Variants in GRID2 observed in about 807,000 individuals in gnomAD.
GRID2 encodes the protein glutamate receptor ionotropic, delta-2.
A neutral mutation model predicts 114.8 loss-of-function variants in GRID2; 33 were observed. The ratio of observed to expected loss-of-function variants is 0.29; its 90% CI spans 0.22 to 0.38. GRID2 has a LOEUF of 0.38. GRID2 is among the 10% of genes least tolerant of loss of function. GRID2 has a pLI of 1.00. For missense variants in GRID2, 1,184 were observed against 1,257.7 expected (o/e 0.94, Z 0.89); for synonymous variants, 505 against 449.9 (o/e 1.12, Z -1.55).
At chr4:93,805,809 A>G (rs948180397) in intron 1 of GRID2, among the ~76,000 whole-genome samples, 1 of 152,198 alleles carries the variant, frequency 6.6e-6, no homozygotes, top group Non-Finnish European at 1.5e-5. Context: ...TTAAGAGCAT[A>G]TATTCGGCCG....
chr4:93,205,270 T>A (rs2870659), intron 4 of GRID2, among the ~76,000 whole-genome samples: 110,203 of 151,842 alleles, frequency 0.73, 41,501 homozygotes, highest in African/African-American at 0.92. Context: ...TATGTTTTAA[T>A]TATTAAGTTT....
At chr4:93,085,888 A>G (rs1216750480) in intron 3 of GRID2, among the ~76,000 whole-genome samples, 2 of 152,164 alleles carry the variant, frequency 1.3e-5, no homozygotes, top group South Asian at 2.1e-4. Context: ...GTAAAACACA[A>G]AGCATTGTCC....
At chr4:93,245,318 AT>A (rs1748076701) in intron 8 of GRID2, among the ~76,000 whole-genome samples, 1 of 152,088 alleles carries the variant, frequency 6.6e-6, no homozygotes, top group South Asian at 2.1e-4. Context: ...TTTTTCTTCT[AT>A]TTACATGAAA....
intron 1 of GRID2, among the ~76,000 whole-genome samples, chr4:92,428,312 AT>A (rs1560623268): frequency 6.6e-6 from 1 of 152,044 alleles, no homozygotes; most frequent in East Asian, 1.9e-4. Context: ...TTTGTTTGGC[AT>A]TTATTTTTCA....
intron 1 of GRID2, among the ~76,000 whole-genome samples, chr4:92,444,853 T>A (rs554540570): frequency 6.0e-4 from 92 of 152,348 alleles, no homozygotes; most frequent in Admixed American, 1.7e-3. Flanking sequence ...ATTTTTGGTA[T>A]CACTTTTGGT....
At chr4:93,681,561 G>A (rs1725540253) in intron 14 of GRID2, among the ~76,000 whole-genome samples, 1 of 152,066 alleles carries the variant, frequency 6.6e-6, no homozygotes, top group East Asian at 1.9e-4. Flanking sequence ...AAAACAGCAT[G>A]GTACTGGTAC....
intron 2 of GRID2, among the ~76,000 whole-genome samples, chr4:93,005,803 C>T (rs1403003444): frequency 5.3e-5 from 8 of 152,000 alleles, no homozygotes; most frequent in South Asian, 4.1e-4. Context: ...AAAGGTTGCA[C>T]GTTGTACGTT....
At chr4:93,236,368 T>C (rs1746797477) in intron 7 of GRID2, among the ~76,000 whole-genome samples, 1 of 152,044 alleles carries the variant, frequency 6.6e-6, no homozygotes, top group South Asian at 2.1e-4. Flanking sequence ...CTTCCCACAC[T>C]GGAAATGCTG....
intron 9 of GRID2, among the ~76,000 whole-genome samples, chr4:93,398,151 A>C (rs753894436): frequency 2.7e-5 from 4 of 146,704 alleles, no homozygotes; most frequent in Non-Finnish European, 5.9e-5. Flanking sequence ...ATATATATAT[A>C]TCTTATCATT....
chr4:92,422,521 C>T (rs545755891), intron 1 of GRID2, among the ~76,000 whole-genome samples: 1 of 152,118 alleles, frequency 6.6e-6, no homozygotes, highest in Non-Finnish European at 1.5e-5. Context: ...AAGGGGAAGC[C>T]AGTGAGCCAG....
chr4:92,891,174 G>T (rs1746756509), intron 2 of GRID2, among the ~76,000 whole-genome samples: 1 of 152,042 alleles, frequency 6.6e-6, no homozygotes, highest in Non-Finnish European at 1.5e-5. Context: ...TAGATGATGG[G>T]TTGATGGGTG....
intron 9 of GRID2, among the ~76,000 whole-genome samples, chr4:93,412,282 A>G (rs1281859860): frequency 7.2e-6 from 1 of 139,548 alleles, no homozygotes; most frequent in Non-Finnish European, 1.5e-5. Flanking sequence ...CTGTATTCCC[A>G]GCTACTCAAG....
intron 1 of GRID2, among the ~76,000 whole-genome samples, chr4:92,487,343 A>G (rs974702046): frequency 6.6e-6 from 1 of 151,978 alleles, no homozygotes; most frequent in African/African-American, 2.4e-5. Flanking sequence ...TTTTATGTTT[A>G]CCATCTAGTG....
chr4:93,436,131 C>T (rs2149385905), intron 10 of GRID2, among the ~76,000 whole-genome samples: 1 of 152,148 alleles, frequency 6.6e-6, no homozygotes, highest in South Asian at 2.1e-4. Flanking sequence ...ACAAAACTGG[C>T]CTATTCAGGG....
chr4:93,542,566 A>T (rs181423280), intron 13 of GRID2, among the ~76,000 whole-genome samples: 12 of 152,242 alleles, frequency 7.9e-5, no homozygotes, highest in Admixed American at 7.2e-4. Flanking sequence ...AGAGCAGAGG[A>T]TGGGTGGGAT....
intron 2 of GRID2, among the ~76,000 whole-genome samples, chr4:93,031,744 C>CTTTT (rs869302929): frequency 1.4e-5 from 2 of 143,148 alleles, no homozygotes; most frequent in Non-Finnish European, 3.1e-5. Context: ...TCAATTAAAC[C>CTTTT]TTTTTTTTTT....
At chr4:93,305,232 G>A (rs895284357) in intron 8 of GRID2, among the ~76,000 whole-genome samples, 10 of 152,132 alleles carry the variant, frequency 6.6e-5, no homozygotes, top group African/African-American at 2.4e-4. Flanking sequence ...AAAGCTGACT[G>A]CAGAACAAAA....
At chr4:92,503,585 A>G (rs1723798791) in intron 1 of GRID2, among the ~76,000 whole-genome samples, 2 of 152,276 alleles carry the variant, frequency 1.3e-5, no homozygotes, top group African/African-American at 4.8e-5. Context: ...TGTGCTTCTC[A>G]ATCCAATGCA....
At chr4:93,352,926 C>T (rs906180605) in intron 8 of GRID2, among the ~76,000 whole-genome samples, 1 of 151,762 alleles carries the variant, frequency 6.6e-6, no homozygotes, top group Non-Finnish European at 1.5e-5. Flanking sequence ...TTTGAGTATG[C>T]ATAAAAAAGA....
Sources: allele counts gnomAD v4.1 joint callset (sites outside exome capture counted in the v4.1 genomes callset), GRCh38; gene constraint gnomAD v4.1.1; transcripts MANE v1.5; gene names NCBI Gene and HGNC (gene_info 2026-07-23, HGNC 2026-07-21).